The following SLCO5A1 variants were observed in gnomAD, a reference collection of about 807,000 sequenced individuals.
SLCO5A1 encodes organic anion transporter polypeptide-related protein 4.
A neutral mutation model predicts 65.1 loss-of-function variants in SLCO5A1; 39 were observed. The observed-to-expected ratio is 0.60, with a 90% CI of 0.46 to 0.78. SLCO5A1 has a LOEUF of 0.78. Among genes scored for constraint, SLCO5A1 ranks in the 30% least tolerant of loss-of-function variants. SLCO5A1 has a pLI of 0.00. For synonymous variants in SLCO5A1, 438 were observed against 415.7 expected, an observed-to-expected ratio of 1.05 and a Z score of -0.65; for missense variants, 1,029 against 1,069.4, an observed-to-expected ratio of 0.96 and a Z score of 0.53.
rs576105151 is a variant in SLCO5A1 at position 69,670,324 on chromosome 8, T to A, written c.*2545A>T. 28 of 152,318 alleles carry A rather than the reference T, an allele frequency of 1.8e-4. No individual in the cohort carries two copies. Among genetic ancestry groups the A allele is most frequent in the Admixed American group, 1.8e-3 (28 of 15,292 alleles). 9.4% of individuals were successfully genotyped at this position (152,318 alleles called of 1,614,324 possible). A position where few individuals can be genotyped will look rare whatever the true frequency, so the allele number is the denominator to read the frequency against. On this transcript the variant is annotated 3_prime_UTR_variant, in exon 10 of 10. Coordinates refer to ENST00000260126, the MANE Select transcript of SLCO5A1 (RefSeq NM_030958.3). The stretch of plus-strand genomic sequence containing the variant: ...ATAAGACCCTATATATACAATTAAA[T>A]GGTATCATCTACAAAACAGTCACTT...
chr8:69,798,714 A>ACC (rs1436009493), intron 2 of SLCO5A1, among the ~76,000 whole-genome samples: 1 of 152,212 alleles, frequency 6.6e-6, no homozygotes, highest in Non-Finnish European at 1.5e-5. Flanking sequence ...AAGCCATAGC[A>ACC]CCAGTCCAAA....
Position 69,832,460 on chromosome 8 carries a change from A to C in SLCO5A1, c.214T>G (p.Leu72Val), listed in dbSNP as rs1156612887. The C allele has an allele frequency of 5.6e-6, 9 of 1,612,650 alleles. No homozygotes were observed. Among genetic ancestry groups the C allele is most frequent in the Non-Finnish European group, 7.6e-6 (9 of 1,179,594 alleles). Residue 72 changes from leucine to valine, a missense_variant, in exon 2 of 10, where the codon TTG (leucine) becomes GTG (valine). Around this residue, in one of 3 missense-constraint regions of SLCO5A1, gnomAD observed 647 missense variants for 647.5 expected, o/e 1.00. Transcript: ENST00000260126. This position sits in a 1 kb window ranked among gnomAD's most constrained non-coding sequence, Gnocchi z 4.5. ...GCCAACGGGTTCGGGCCTTGCTTCA[A>C]CTCCTGGTGGCCCGAAGAATCCACA... The part of the protein sequence containing the change: ...GCVDSSGHQE[L>V]KQGPNPLAPS...
chr8:69,779,904 A>G (rs1206053395), intron 2 of SLCO5A1, among the ~76,000 whole-genome samples: 1 of 152,140 alleles, frequency 6.6e-6, no homozygotes, highest in Non-Finnish European at 1.5e-5. Context: ...GCAAAATTAT[A>G]TATACAACAG....
At chr8:69,706,058 T>C (rs1461654320) in intron 5 of SLCO5A1, among the ~76,000 whole-genome samples, 2 of 152,210 alleles carry the variant, frequency 1.3e-5, no homozygotes, top group African/African-American at 4.8e-5. Flanking sequence ...ATATATCATA[T>C]ATGGTATGTC....
intron 6 of SLCO5A1, among the ~76,000 whole-genome samples, chr8:69,692,348 ATGAG>A (rs1359078963): frequency 4.6e-5 from 7 of 152,214 alleles, no homozygotes; most frequent in Non-Finnish European, 1.0e-4. Flanking sequence ...GGGTGAGTGA[ATGAG>A]TGAGTGAGTG....
chr8:69,681,423 G>A (rs889872990), intron 7 of SLCO5A1, among the ~76,000 whole-genome samples: 11 of 152,014 alleles, frequency 7.2e-5, no homozygotes, highest in African/African-American at 2.7e-4. Flanking sequence ...GAGAAACCCC[G>A]TCTCTACTAA....
chr8:69,815,019 G>C (rs1258740785), intron 2 of SLCO5A1, among the ~76,000 whole-genome samples: 1 of 152,170 alleles, frequency 6.6e-6, no homozygotes, highest in Non-Finnish European at 1.5e-5. Context: ...CGGGATGGGG[G>C]AAGTGGGGAG....
At chr8:69,815,573 T>C (rs1468825137) in intron 2 of SLCO5A1, among the ~76,000 whole-genome samples, 2 of 151,992 alleles carry the variant, frequency 1.3e-5, no homozygotes, top group Non-Finnish European at 2.9e-5. Flanking sequence ...AACTGCTTTC[T>C]AATTTTCCAC....
chr8:69,726,047 A>G (rs1816054480), intron 5 of SLCO5A1, among the ~76,000 whole-genome samples: 2 of 152,248 alleles, frequency 1.3e-5, no homozygotes, highest in Admixed American at 1.3e-4. Flanking sequence ...GAATATATCC[A>G]CATAAGTAGG....
chr8:69,677,225 T>A (rs1456768943), intron 8 of SLCO5A1, among the ~76,000 whole-genome samples: 1 of 152,172 alleles, frequency 6.6e-6, no homozygotes, highest in African/African-American at 2.4e-5. Context: ...CAACCACATC[T>A]TTTTTTCTTT....
At chr8:69,772,938 TG>T (rs1457897452) in intron 2 of SLCO5A1, 1 of 985,122 alleles carries the variant, frequency 1.0e-6, no homozygotes, top group Admixed American at 6.2e-5. Flanking sequence ...CAAGGTTCAG[TG>T]AGTGGGTGCA....
chr8:69,679,654 C>T (rs1165088791), intron 7 of SLCO5A1, 35 bp from the exon 8 acceptor site: 1 of 1,600,534 alleles, frequency 6.2e-7, no homozygotes, highest in Non-Finnish European at 8.5e-7. Flanking sequence ...TTGTGTGCCC[C>T]TCAAAAGCTA....
chr8:69,781,216 A>C (rs1179008416), intron 2 of SLCO5A1, among the ~76,000 whole-genome samples: 1 of 152,248 alleles, frequency 6.6e-6, no homozygotes, highest in African/African-American at 2.4e-5. Flanking sequence ...AAGAAGCATG[A>C]TTTCCATTGG....
chr8:69,749,549 C>T (rs982008104), intron 4 of SLCO5A1, among the ~76,000 whole-genome samples: 1 of 151,566 alleles, frequency 6.6e-6, no homozygotes, highest in African/African-American at 2.4e-5. Flanking sequence ...GCCTTGGAGG[C>T]GGAGGTTGCA....
chr8:69,772,880 C>G (rs748697978), intron 2 of SLCO5A1: 1 of 974,056 alleles, frequency 1.0e-6, no homozygotes, highest in Non-Finnish European at 1.2e-6. Flanking sequence ...GTGAACAAAA[C>G]TGATGCATTT....
intron 5 of SLCO5A1, among the ~76,000 whole-genome samples, chr8:69,737,834 A>G (rs762913441): frequency 1.3e-5 from 2 of 152,166 alleles, no homozygotes; most frequent in Non-Finnish European, 2.9e-5. Flanking sequence ...TTCCCAAAAC[A>G]CAGTTGGGAA....
In SLCO5A1 at chr8:69,752,287, C is replaced by G. The variant is rs373833959; in HGVS notation, c.1258+3137G>C. Among the ~76,000 whole-genome samples the G allele has an allele frequency of 7.2e-5, 11 of 151,908 alleles. 1 individual carries two copies. Among genetic ancestry groups the G allele is most frequent in the African/African-American group, 2.4e-4 (10 of 41,370 alleles). On this transcript the variant is annotated intron_variant, in intron 4 of 9. Transcript: ENST00000260126. ...ATTAAGACCAAAAGAAGCCCTACTCCAGAAAATAGAAGGGAAAAAAGGATC... is the reference window on the plus strand; with the variant it reads ...ATTAAGACCAAAAGAAGCCCTACTCGAGAAAATAGAAGGGAAAAAAGGATC...
At chr8:69,681,598 A>C (rs1813773376) in intron 7 of SLCO5A1, among the ~76,000 whole-genome samples, 1 of 152,192 alleles carries the variant, frequency 6.6e-6, no homozygotes, top group South Asian at 2.1e-4. Context: ...CATCTCAAAA[A>C]AAAGAAACAG....
chr8:69,792,916 G>A (rs1819331585), intron 2 of SLCO5A1, among the ~76,000 whole-genome samples: 1 of 151,896 alleles, frequency 6.6e-6, no homozygotes, highest in African/African-American at 2.4e-5. Flanking sequence ...TACTGTTTTG[G>A]GGTTTTTTTA....
Sources: gnomAD v4.1 joint callset for allele counts (sites outside exome capture counted in the v4.1 genomes callset) on GRCh38, gnomAD v4.1.1 for gene constraint, gnomAD v4.1.1 regional missense constraint, Gnocchi (gnomAD v3.1) non-coding constraint, MANE v1.5 for transcripts, NCBI Gene and HGNC (gene_info 2026-07-23, HGNC 2026-07-21) for gene names.